Variants in GRM8 observed in about 807,000 individuals in gnomAD.
The protein encoded by GRM8 is metabotropic glutamate receptor 8.
Under a neutral mutation model 87.2 loss-of-function variants are expected in GRM8, and 47 were observed. The ratio of observed to expected loss-of-function variants is 0.54; its 90% CI spans 0.43 to 0.69. GRM8 has a LOEUF of 0.69. Among genes scored for constraint, GRM8 ranks in the 30% least tolerant of loss-of-function variants. The pLI, the probability that GRM8 is intolerant of heterozygous loss-of-function variation, is 0.00. For synonymous variants in GRM8, 396 were observed against 404.5 expected (o/e 0.98, Z 0.25); for missense variants, 1,019 against 1,139.2 (o/e 0.89, Z 1.52).
At chr7:127,232,237 GAGAC>G (rs1175680763) in intron 2 of GRM8, among the ~76,000 whole-genome samples, 1 of 140,374 alleles carries the variant, frequency 7.1e-6, no homozygotes, top group South Asian at 2.3e-4. Flanking sequence ...GAGAGAGAGA[GAGAC>G]AGACAGACAG....
rs534068833 is a variant in GRM8 at position 127,052,847 on chromosome 7, T to C, written c.727+53649A>G. ...TTACATAGGCAATTCCCTTTCCAAATAGGCTAGTTTGTAGATTCTGTCTTT... is the reference window on the plus strand; with the variant it reads ...TTACATAGGCAATTCCCTTTCCAAACAGGCTAGTTTGTAGATTCTGTCTTT... On this transcript the variant is annotated intron_variant, in intron 3 of 10. Transcript: ENST00000339582. 1.4e-4 allele frequency among the ~76,000 whole-genome samples: 22 copies of C among 152,302 alleles called. 2 individuals carry two copies. The highest frequency in any genetic ancestry group is 5.1e-4 in the African/African-American group (21 of 41,568).
At chr7:127,223,244 G>GTATTTC (rs1797050582) in intron 2 of GRM8, among the ~76,000 whole-genome samples, 1 of 151,998 alleles carries the variant, frequency 6.6e-6, no homozygotes, top group African/African-American at 2.4e-5. Context: ...TTTCCCTCAT[G>GTATTTC]TATTTCCTCA....
chr7:126,540,308 G>A (rs1201102601), intron 8 of GRM8, among the ~76,000 whole-genome samples: 1 of 152,066 alleles, frequency 6.6e-6, no homozygotes, highest in African/African-American at 2.4e-5. Flanking sequence ...ATAAAGATGT[G>A]GATGAAGACA....
chr7:127,147,856 TTAAA>T (rs1287380000), intron 2 of GRM8, among the ~76,000 whole-genome samples: 1 of 152,000 alleles, frequency 6.6e-6, no homozygotes, highest in African/African-American at 2.4e-5. Context: ...TTAAAATGAG[TTAAA>T]TAAATAAAAA....
At chr7:127,039,447 G>C (rs1467037446) in intron 3 of GRM8, among the ~76,000 whole-genome samples, 2 of 151,924 alleles carry the variant, frequency 1.3e-5, no homozygotes, top group African/African-American at 2.4e-5. Context: ...CAGAATTTTG[G>C]GAAAACGAAT....
chr7:126,765,182 T>C (rs1818057749), intron 7 of GRM8, among the ~76,000 whole-genome samples: 1 of 151,874 alleles, frequency 6.6e-6, no homozygotes, highest in African/African-American at 2.4e-5. Context: ...GAAATGGAGA[T>C]CCTCTGCTAT....
At chr7:126,543,884 G>T (rs1425858496) in intron 8 of GRM8, among the ~76,000 whole-genome samples, 1 of 152,174 alleles carries the variant, frequency 6.6e-6, no homozygotes, top group Non-Finnish European at 1.5e-5. Flanking sequence ...AGTCCACAGT[G>T]CAAGAGGCCA....
intron 9 of GRM8, among the ~76,000 whole-genome samples, chr7:126,465,777 A>G (rs1273244662): frequency 1.3e-5 from 2 of 151,778 alleles, no homozygotes; most frequent in Non-Finnish European, 2.9e-5. Context: ...TTTTCTTTCT[A>G]AACTTTATGT....
chr7:126,716,682 G>A (rs144714611), intron 7 of GRM8, among the ~76,000 whole-genome samples: 32 of 152,272 alleles, frequency 2.1e-4, no homozygotes, highest in African/African-American at 5.8e-4. Context: ...GAAACTTCAA[G>A]AGCCAAGGAC....
chr7:127,050,807 C>T (rs1819393680), intron 3 of GRM8, among the ~76,000 whole-genome samples: 1 of 152,162 alleles, frequency 6.6e-6, no homozygotes, highest in South Asian at 2.1e-4. Flanking sequence ...CTATTGATTA[C>T]ACCATAAAGA....
intron 2 of GRM8, among the ~76,000 whole-genome samples, chr7:127,225,197 A>G (rs1038382001): frequency 1.3e-5 from 2 of 152,156 alleles, no homozygotes; most frequent in Admixed American, 6.5e-5. Flanking sequence ...GAGCACAGTC[A>G]TTTCTGCTGT....
intron 9 of GRM8, among the ~76,000 whole-genome samples, chr7:126,498,971 T>C (rs1207200054): frequency 6.6e-6 from 1 of 152,012 alleles, no homozygotes; most frequent in Non-Finnish European, 1.5e-5. Flanking sequence ...AGAATACAAA[T>C]GCATATTTAT....
chr7:127,065,908 G>A (rs1356687675), intron 3 of GRM8, among the ~76,000 whole-genome samples: 1 of 152,096 alleles, frequency 6.6e-6, no homozygotes, highest in Non-Finnish European at 1.5e-5. Context: ...AAAAAGAAAT[G>A]AATTTTTCTC....
At chr7:126,903,667 GTATATGTGTATATATATAT>G in intron 5 of GRM8, among the ~76,000 whole-genome samples, 1 of 118,336 alleles carries the variant, frequency 8.5e-6, no homozygotes, top group African/African-American at 3.3e-5. Context: ...ATATATATAT[GTATATGTGTATATATATAT>G]GTATATGTGT....
chr7:126,455,270 T>C lies in GRM8; in HGVS notation c.2431-8898A>G, dbSNP rs1584666469. On this transcript the variant is annotated intron_variant, in intron 9 of 10. Coordinates refer to ENST00000339582, the MANE Select transcript of GRM8 (RefSeq NM_000845.3). ...TGAAAAGTCATACAATACATGAAAA[T>C]AAAGTGTAGATTCAAACTGAGGTTT... Among the ~76,000 whole-genome samples the C allele has an allele frequency of 2.6e-5, 4 of 151,558 alleles. No homozygotes were observed. In the South Asian group the frequency reaches 8.3e-4, roughly 31 times the overall value.
chr7:126,633,946 T>C (rs879851107), intron 7 of GRM8, among the ~76,000 whole-genome samples: 24 of 152,162 alleles, frequency 1.6e-4, no homozygotes, highest in African/African-American at 4.1e-4. Flanking sequence ...CACAAGTATA[T>C]GAAAAAATGC....
chr7:126,932,179 G>T (rs1805834782), intron 3 of GRM8, among the ~76,000 whole-genome samples: 1 of 152,064 alleles, frequency 6.6e-6, no homozygotes, highest in African/African-American at 2.4e-5. Flanking sequence ...TGACTACTTT[G>T]TTTAGTTTGC....
At chr7:126,856,959 C>A (rs1228151723) in intron 6 of GRM8, among the ~76,000 whole-genome samples, 1 of 152,118 alleles carries the variant, frequency 6.6e-6, no homozygotes, top group Non-Finnish European at 1.5e-5. Flanking sequence ...TGAGAAAGTT[C>A]TCTGAGACTA....
intron 3 of GRM8, among the ~76,000 whole-genome samples, chr7:127,082,838 T>C (rs1823013970): frequency 6.6e-6 from 1 of 152,224 alleles, no homozygotes; most frequent in Non-Finnish European, 1.5e-5. Flanking sequence ...TTTACAGATG[T>C]GGCAGGTGGG....
Sources: allele counts gnomAD v4.1 joint callset (sites outside exome capture counted in the v4.1 genomes callset), GRCh38; gene constraint gnomAD v4.1.1; transcripts MANE v1.5; gene names NCBI Gene and HGNC (gene_info 2026-07-23, HGNC 2026-07-21).